SMIM14: variants seen among roughly 807,000 people sequenced by gnomAD.
The protein encoded by SMIM14 is small integral membrane protein 14.
A neutral mutation model predicts 12.6 loss-of-function variants in SMIM14; 5 were observed. That is an observed-to-expected ratio of 0.40 (90% confidence interval 0.21 to 0.83). The LOEUF (loss-of-function observed/expected upper bound fraction) is 0.83. SMIM14 is among the 40% of genes least tolerant of loss of function. The pLI is 0.37. For missense variants in SMIM14, 86 were observed against 119.1 expected (o/e 0.72, Z 1.29); for synonymous variants, 30 against 40.1 (o/e 0.75, Z 0.95).
chr4:39,573,065 C>T (rs1263429305), intron 2 of SMIM14, among the ~76,000 whole-genome samples: 5 of 150,942 alleles, frequency 3.3e-5, no homozygotes, highest in African/African-American at 1.2e-4. Flanking sequence ...TAGTGACAAA[C>T]CATGTTTTGG....
Position 39,558,070 on chromosome 4 carries a change from C to T in SMIM14, c.125-1500G>A, listed in dbSNP as rs10019815. 0.33 allele frequency among the ~76,000 whole-genome samples: 50,253 copies of T among 152,096 alleles called. 10,130 individuals carry two copies. The highest frequency in any genetic ancestry group is 0.53 in the African/African-American group (21,825 of 41,466). On this transcript the variant is annotated intron_variant, in intron 3 of 4. Transcript: ENST00000295958. This position sits in a 1 kb window ranked among gnomAD's most constrained non-coding sequence, Gnocchi z 4.3. ...TTTTCCTGGTTCCTTGACATAGCCA[C>T]GTCTTATTTAATTTGAAATAACAAG... is the stretch of plus-strand genomic sequence containing the variant.
chr4:39,619,495 T>A (rs1715364675), intron 1 of SMIM14, among the ~76,000 whole-genome samples: 1 of 87,922 alleles, frequency 1.1e-5, no homozygotes, highest in Admixed American at 1.6e-4. Flanking sequence ...TCAATAAATA[T>A]AATTTATTCT....
At chr4:39,563,763 G>A (rs1712437919) in intron 3 of SMIM14, among the ~76,000 whole-genome samples, 1 of 152,032 alleles carries the variant, frequency 6.6e-6, no homozygotes, top group Admixed American at 6.6e-5. Context: ...ATGGTTTCCC[G>A]TCTCTCCTAA....
At chr4:39,574,357 A>C (rs1578323746) in intron 2 of SMIM14, among the ~76,000 whole-genome samples, 1 of 151,096 alleles carries the variant, frequency 6.6e-6, no homozygotes, top group South Asian at 2.1e-4. Flanking sequence ...GGGTTCAAGC[A>C]ATTCTTCTGC....
At chr4:39,574,237 CTT>C (rs11338888) in intron 2 of SMIM14, among the ~76,000 whole-genome samples, 211 of 126,870 alleles carry the variant, frequency 1.7e-3, no homozygotes, top group East Asian at 6.9e-3. Context: ...CTGCAACTTT[CTT>C]TTTTTTTTTT....
At chr4:39,607,761 A>C (rs1276587665) in intron 1 of SMIM14, among the ~76,000 whole-genome samples, 1 of 152,236 alleles carries the variant, frequency 6.6e-6, no homozygotes, top group African/African-American at 2.4e-5. Context: ...AACTCCCAGA[A>C]TGGAATATTT....
At chr4:39,576,594 C>T (rs1458100534) in intron 2 of SMIM14, among the ~76,000 whole-genome samples, 4 of 141,314 alleles carry the variant, frequency 2.8e-5, no homozygotes, top group African/African-American at 7.7e-5. Context: ...GTTGTAATTT[C>T]TCTGACTGCC....
intron 3 of SMIM14, among the ~76,000 whole-genome samples, chr4:39,568,207 A>G (rs1047076685): frequency 1.3e-5 from 2 of 151,776 alleles, no homozygotes; most frequent in Non-Finnish European, 2.9e-5. Context: ...TGAGCCTGGG[A>G]GGCGGAAGTT....
At position 39,569,739 on chromosome 4, in the gene SMIM14, AAAAAAAAG is replaced by A. The variant is rs542931739; in HGVS notation, c.124+2668_124+2675del. On this transcript the variant is annotated intron_variant, in intron 3 of 4. Transcript: ENST00000295958. ...GCGACAAAGCGAGACTCTGTCTCAA[AAAAAAAAG>A]AAAAAAAGAAAAAAAGAAATTATTT... 1.0e-3 allele frequency among the ~76,000 whole-genome samples: 155 copies of A among 151,988 alleles called. 5 individuals carry two copies. In the East Asian group the frequency reaches 0.015, roughly 15 times the overall value.
At chr4:39,556,184 A>T (rs1257430518) in intron 4 of SMIM14, among the ~76,000 whole-genome samples, 2 of 151,200 alleles carry the variant, frequency 1.3e-5, no homozygotes, top group African/African-American at 4.9e-5. Context: ...AAAGGATTGG[A>T]ATTCATTTTC....
At chr4:39,562,823 T>TTTTTTTTTTTTTG (rs1553861780) in intron 3 of SMIM14, among the ~76,000 whole-genome samples, 3 of 150,068 alleles carry the variant, frequency 2.0e-5, no homozygotes, top group African/African-American at 7.5e-5. Flanking sequence ...TTTGTATTTT[T>TTTTTTTTTTTTTG]AGTAGAGACG....
intron 1 of SMIM14, among the ~76,000 whole-genome samples, chr4:39,633,250 C>A (rs1020677174): frequency 6.6e-6 from 1 of 151,944 alleles, no homozygotes; most frequent in Non-Finnish European, 1.5e-5. Context: ...GCCGAGATCA[C>A]CCCACTGCAC....
chr4:39,632,813 AC>A (rs1387413728), intron 1 of SMIM14, among the ~76,000 whole-genome samples: 35 of 151,292 alleles, frequency 2.3e-4, no homozygotes, highest in Non-Finnish European at 5.0e-4. Context: ...ACACACACAC[AC>A]ACACACACAC....
intron 1 of SMIM14, among the ~76,000 whole-genome samples, chr4:39,610,441 G>A (rs1714982715): frequency 6.7e-6 from 1 of 149,580 alleles, no homozygotes; most frequent in African/African-American, 2.4e-5. Context: ...TAAATGGCAG[G>A]GTGATTGTCT....
chr4:39,606,033 C>T (rs551896579), intron 1 of SMIM14, among the ~76,000 whole-genome samples: 20 of 152,228 alleles, frequency 1.3e-4, no homozygotes, highest in East Asian at 3.9e-4. Context: ...CCACCGTGCC[C>T]GGCCAGAAAC....
rs572024751 is a variant in SMIM14 at position 39,595,528 on chromosome 4, C to T, written c.75+9543G>A. Among the ~76,000 whole-genome samples the T allele has an allele frequency of 5.3e-5, 8 of 151,568 alleles. 2 individuals carry two copies. The South Asian group carries it at 1.7e-3, about 32-fold the overall frequency. Reference sequence around the variant, plus strand: ...ATGTAACTAACCTGCACATTGTGCACATGTACCCTAAAACTTAAAGTATAA... The same window carrying T: ...ATGTAACTAACCTGCACATTGTGCATATGTACCCTAAAACTTAAAGTATAA... On this transcript the variant is annotated intron_variant, in intron 2 of 4. Coordinates refer to ENST00000295958, the MANE Select transcript of SMIM14 (RefSeq NM_174921.3).
intron 1 of SMIM14, among the ~76,000 whole-genome samples, chr4:39,626,466 C>T (rs1715702598): frequency 6.6e-6 from 1 of 152,284 alleles, no homozygotes; most frequent in South Asian, 2.1e-4. Context: ...AGTCACACAG[C>T]ACAGGAGGTG....
At chr4:39,625,527 C>T (rs189427940) in intron 1 of SMIM14, among the ~76,000 whole-genome samples, 3 of 152,168 alleles carry the variant, frequency 2.0e-5, no homozygotes, top group Admixed American at 6.5e-5. Flanking sequence ...CTGCAACCTC[C>T]ACCTCCCGGG....
At chr4:39,632,879 T>A (rs1715964820) in intron 1 of SMIM14, among the ~76,000 whole-genome samples, 1 of 148,436 alleles carries the variant, frequency 6.7e-6, no homozygotes, top group African/African-American at 2.5e-5. Flanking sequence ...ATTCAAAAAA[T>A]ACCAAAAATA....
Sources: gnomAD v4.1 joint callset for allele counts (sites outside exome capture counted in the v4.1 genomes callset) on GRCh38, gnomAD v4.1.1 for gene constraint, Gnocchi (gnomAD v3.1) non-coding constraint, MANE v1.5 for transcripts, NCBI Gene and HGNC (gene_info 2026-07-23, HGNC 2026-07-21) for gene names.